Variants in FER observed in about 807,000 individuals in gnomAD.
FER encodes the protein FER tyrosine kinase, also known as tyrosine-protein kinase Fer.
In FER, 63 loss-of-function variants were observed where a neutral mutation model predicts 111.0. The ratio of observed to expected loss-of-function variants is 0.57; its 90% confidence interval spans 0.46 to 0.70. FER has a LOEUF of 0.70. Among genes scored for constraint, FER ranks in the 30% least tolerant of loss-of-function variants. The pLI is 0.00. For synonymous variants in FER, 327 were observed against 313.9 expected (o/e 1.04, Z -0.44); for missense variants, 914 against 954.0 (o/e 0.96, Z 0.55).
rs140057454 is a variant in FER at position 109,008,307 on chromosome 5, A to T, written c.1657-29115A>T. Among the ~76,000 whole-genome samples, 5 of 152,304 alleles carry T rather than the reference A, an allele frequency of 3.3e-5. No homozygotes were observed. The East Asian group carries it at 9.6e-4, about 29-fold the overall frequency. On this transcript the variant is annotated intron_variant, in intron 13 of 19. Transcript: ENST00000281092. Reference sequence around the variant, plus strand: ...GTTTACCATGTTCCTAATAGTTCTCATGTCTAATTGATTCCTCTCCCCATT... The same window carrying T: ...GTTTACCATGTTCCTAATAGTTCTCTTGTCTAATTGATTCCTCTCCCCATT...
At chr5:108,809,105 C>T (rs1757486711) in intron 3 of FER, among the ~76,000 whole-genome samples, 1 of 152,046 alleles carries the variant, frequency 6.6e-6, no homozygotes, top group South Asian at 2.1e-4. Flanking sequence ...ACAGGTGTTA[C>T]CTGGATTTTT....
At chr5:108,944,850 A>AACCTAT in intron 10 of FER, among the ~76,000 whole-genome samples, 1 of 152,164 alleles carries the variant, frequency 6.6e-6, no homozygotes, top group Middle Eastern at 3.4e-3. Flanking sequence ...CCTTCATATG[A>AACCTAT]AAAGATGTTT....
chr5:108,788,497 G>GC (rs2150017010), intron 2 of FER, among the ~76,000 whole-genome samples: 1 of 151,650 alleles, frequency 6.6e-6, no homozygotes, highest in African/African-American at 2.4e-5. Flanking sequence ...TTTCTGGCTG[G>GC]CAAAGCAACA....
At chr5:108,845,501 A>G (rs540615133) in intron 5 of FER, among the ~76,000 whole-genome samples, 1 of 152,174 alleles carries the variant, frequency 6.6e-6, no homozygotes, top group Non-Finnish European at 1.5e-5. Flanking sequence ...TTTTTTAAAA[A>G]TGAATTTCTT....
At chr5:108,754,246 CA>C (rs1432096708) in intron 1 of FER, among the ~76,000 whole-genome samples, 1 of 151,582 alleles carries the variant, frequency 6.6e-6, no homozygotes, top group Non-Finnish European at 1.5e-5. Flanking sequence ...CGGCACTCTA[CA>C]AAAAAGTTAA....
chr5:109,178,597 G>A (rs370669310), intron 17 of FER, among the ~76,000 whole-genome samples: 27 of 152,266 alleles, frequency 1.8e-4, no homozygotes, highest in African/African-American at 6.3e-4. Context: ...TTGTACCTCT[G>A]CCAAAAAAAT....
intron 16 of FER, among the ~76,000 whole-genome samples, chr5:109,091,724 C>G (rs1335664531): frequency 6.6e-6 from 1 of 152,074 alleles, no homozygotes; most frequent in African/African-American, 2.4e-5. Context: ...AATACCCCAC[C>G]CTGGTGTGTC....
chr5:108,761,317 C>G (rs1406956672), intron 1 of FER, among the ~76,000 whole-genome samples: 2 of 152,094 alleles, frequency 1.3e-5, no homozygotes, highest in East Asian at 1.9e-4. Flanking sequence ...TTTATTTGAA[C>G]ACTTAGAGGC....
rs189695815 is a variant in FER at position 109,178,389 on chromosome 5, A to G, written c.2049-2358A>G. 1.8e-3 allele frequency among the ~76,000 whole-genome samples: 267 copies of G among 152,350 alleles called. 1 individual carries two copies. Among genetic ancestry groups the G allele is most frequent in the African/African-American group, 6.2e-3 (259 of 41,578 alleles). ...TTCTCATTTCAGAGGACAAATCTCT[A>G]AACTGGTGATGCAATGAAGATAGTT... On this transcript the variant is annotated intron_variant, in intron 17 of 19. Transcript: ENST00000281092.
At chr5:109,086,875 T>G (rs1777623864) in intron 16 of FER, among the ~76,000 whole-genome samples, 1 of 150,524 alleles carries the variant, frequency 6.6e-6, no homozygotes, top group African/African-American at 2.4e-5. Context: ...GTCAGCAGAG[T>G]TGGTTTCTTC....
At chr5:109,123,162 T>G (rs1482473566) in intron 17 of FER, among the ~76,000 whole-genome samples, 1 of 148,858 alleles carries the variant, frequency 6.7e-6, no homozygotes, top group African/African-American at 2.5e-5. Flanking sequence ...GTCTTGTTTT[T>G]TTTTTTTTTT....
chr5:108,759,601 C>G (rs1445937567), intron 1 of FER, among the ~76,000 whole-genome samples: 3 of 152,198 alleles, frequency 2.0e-5, no homozygotes, highest in Non-Finnish European at 4.4e-5. Context: ...GTTCTAGAGG[C>G]TGGAAATTTC....
intron 13 of FER, among the ~76,000 whole-genome samples, chr5:108,989,103 T>A (rs1451632765): frequency 1.3e-5 from 2 of 152,096 alleles, no homozygotes; most frequent in East Asian, 3.8e-4. Context: ...CCTTTTGGAG[T>A]TGATTTCCAA....
At chr5:109,151,710 C>T (rs1754872681) in intron 17 of FER, among the ~76,000 whole-genome samples, 1 of 152,090 alleles carries the variant, frequency 6.6e-6, no homozygotes, top group African/African-American at 2.4e-5. Context: ...CTGACAGCAG[C>T]CCAGCACCTA....
chr5:108,990,598 A>T (rs1763052575), intron 13 of FER, among the ~76,000 whole-genome samples: 1 of 151,748 alleles, frequency 6.6e-6, no homozygotes, highest in Non-Finnish European at 1.5e-5. Context: ...AGAAAGTATT[A>T]TAATAATGTA....
At chr5:109,164,490 C>A (rs542908636) in intron 17 of FER, among the ~76,000 whole-genome samples, 3 of 152,284 alleles carry the variant, frequency 2.0e-5, no homozygotes, top group Non-Finnish European at 4.4e-5. Flanking sequence ...CCATCTATTA[C>A]ATGTTTTATA....
chr5:108,988,642 A>G (rs955962034), intron 13 of FER, among the ~76,000 whole-genome samples: 1 of 152,042 alleles, frequency 6.6e-6, no homozygotes, highest in Non-Finnish European at 1.5e-5. Flanking sequence ...CTCCCATTTC[A>G]ATTATAATTG....
intron 9 of FER, among the ~76,000 whole-genome samples, chr5:108,890,271 G>A (rs1377491214): frequency 1.3e-5 from 2 of 152,064 alleles, no homozygotes; most frequent in East Asian, 1.9e-4. Context: ...GTTGAGTAGT[G>A]CAGTGTTCCA....
Position 108,945,574 on chromosome 5 carries a change from C to A in FER, c.1237-556C>A, listed in dbSNP as rs139617925. ...TATTTTACTTCATCCTCCTCCCACCCGCCTTTCTCCTCCTTATCATCAGGA... is the reference window on the plus strand; with the variant it reads ...TATTTTACTTCATCCTCCTCCCACCAGCCTTTCTCCTCCTTATCATCAGGA... On this transcript the variant is annotated intron_variant, in intron 10 of 19. Coordinates refer to ENST00000281092, the MANE Select transcript of FER (RefSeq NM_005246.4). Among the ~76,000 whole-genome samples the A allele has an allele frequency of 9.1e-3, 1,381 of 151,676 alleles. 9 individuals carry two copies. The highest frequency in any genetic ancestry group is 0.013 in the Non-Finnish European group (893 of 67,828).
Sources: allele counts gnomAD v4.1 joint callset (sites outside exome capture counted in the v4.1 genomes callset), GRCh38; gene constraint gnomAD v4.1.1; transcripts MANE v1.5; gene names NCBI Gene and HGNC (gene_info 2026-07-23, HGNC 2026-07-21).